ELFN2: variants seen among roughly 807,000 people sequenced by gnomAD.
ELFN2 encodes the protein extracellular leucine rich repeat and fibronectin type III domain containing 2, also known as protein phosphatase 1 regulatory subunit 29.
ELFN2 carries 17 observed loss-of-function variants against 45.5 expected under a neutral mutation model. The ratio of observed to expected loss-of-function variants is 0.37; its 90% CI spans 0.26 to 0.56. The LOEUF is 0.56. ELFN2 is among the 20% of genes least tolerant of loss of function. ELFN2 has a pLI of 0.77. For synonymous variants in ELFN2, 550 were observed against 551.5 expected (o/e 1.00, Z 0.04); for missense variants, 922 against 1,183.2 (o/e 0.78, Z 3.24).
chr22:37,344,847 G>A lies in ELFN2; in HGVS notation n.149-2144C>T, dbSNP rs143498654. On this transcript the variant is annotated intron_variant and non_coding_transcript_variant, in intron 1 of 2. Transcript: ENST00000452946. ...TGCTCTCACCCTGCTCCTCAGGTGCGCAGGGGGCGCTGAGGGGCGAGCTCC... is the reference window on the plus strand; with the variant it reads ...TGCTCTCACCCTGCTCCTCAGGTGCACAGGGGGCGCTGAGGGGCGAGCTCC... Among the ~76,000 whole-genome samples, 191 of 152,274 alleles carry A rather than the reference G, an allele frequency of 1.3e-3. 1 individual carries two copies. The East Asian group carries it at 0.013, about 10-fold the overall frequency.
At chr22:37,420,815 A>G (rs1259493301) in intron 1 of ELFN2, among the ~76,000 whole-genome samples, 1 of 152,160 alleles carries the variant, frequency 6.6e-6, no homozygotes, top group Admixed American at 6.6e-5. Context: ...TTGGCCCCTG[A>G]CTTGCTGCTG....
intron 2 of ELFN2, among the ~76,000 whole-genome samples, chr22:37,412,008 T>C (rs1932659985): frequency 6.6e-6 from 1 of 151,376 alleles, no homozygotes; most frequent in African/African-American, 2.4e-5. Flanking sequence ...TCTTGGAACC[T>C]CCGCTCAGAG....
At chr22:37,403,342 TC>T (rs1932412366) in intron 2 of ELFN2, among the ~76,000 whole-genome samples, 1 of 151,428 alleles carries the variant, frequency 6.6e-6, no homozygotes, top group Admixed American at 6.6e-5. Context: ...TTAGGAGGAG[TC>T]CCCGAGGGCA....
chr22:37,345,771 C>T (rs530509033), intron 1 of ELFN2, among the ~76,000 whole-genome samples: 1 of 152,294 alleles, frequency 6.6e-6, no homozygotes, highest in Non-Finnish European at 1.5e-5. Flanking sequence ...TGGTCTTGAT[C>T]TCCTGACCTC....
intron 2 of ELFN2, among the ~76,000 whole-genome samples, chr22:37,391,640 TGACCATCAAAGGGAC>T (rs1269467890): frequency 6.6e-6 from 1 of 152,172 alleles, no homozygotes; most frequent in Non-Finnish European, 1.5e-5. Flanking sequence ...TACAGCAGTC[TGACCATCAAAGGGAC>T]GGTGTCTGGG....
chr22:37,415,350 G>C (rs1932748171), intron 2 of ELFN2, among the ~76,000 whole-genome samples: 1 of 152,248 alleles, frequency 6.6e-6, no homozygotes, highest in African/African-American at 2.4e-5. Flanking sequence ...CCATGAAGGA[G>C]ACCAGTGGCC....
At chr22:37,387,046 G>A (rs1354517593) in intron 2 of ELFN2, among the ~76,000 whole-genome samples, 2 of 152,214 alleles carry the variant, frequency 1.3e-5, no homozygotes, top group South Asian at 2.1e-4. Flanking sequence ...TGAGGGTCTG[G>A]CGCGTGGCAC....
downstream of ELFN2, among the ~76,000 whole-genome samples, chr22:37,364,424 G>A (rs1931158211): frequency 6.6e-6 from 1 of 152,214 alleles, no homozygotes. Flanking sequence ...AGCCCCACTG[G>A]GACAGCTGCA....
In ELFN2 at chr22:37,356,242, CT is replaced by C. The variant is rs1295337232; in HGVS notation, n.149-13540del. Among the ~76,000 whole-genome samples the C allele has an allele frequency of 3.3e-5, 5 of 152,144 alleles. No homozygotes were observed. In the East Asian group the frequency reaches 5.8e-4, roughly 18 times the overall value. ...CTGCTGGGCGCTTACCCACCTGCCCCTGGGCTCTACCAGCTGAGGGTTACCC... is the reference window on the plus strand; with the variant it reads ...CTGCTGGGCGCTTACCCACCTGCCCCGGGCTCTACCAGCTGAGGGTTACCC... On this transcript the variant is annotated intron_variant and non_coding_transcript_variant, in intron 1 of 2. Transcript: ENST00000452946.
chr22:37,414,452 A>T (rs754647), intron 2 of ELFN2, among the ~76,000 whole-genome samples: 30,937 of 152,124 alleles, frequency 0.2, 4,590 homozygotes, highest in African/African-American at 0.42. Context: ...CTATGGGAAA[A>T]TGCCTGGCAC....
rs1931528339 is a variant in ELFN2 at position 37,374,910 on chromosome 22, T to A, written c.625A>T (p.Asn209Tyr). 1 of 1,612,384 alleles carries A rather than the reference T, an allele frequency of 6.2e-7. No individual in the cohort carries two copies. Among genetic ancestry groups the A allele is most frequent in the East Asian group, 2.2e-5 (1 of 44,878 alleles). Residue 209 changes from asparagine (N) to tyrosine (Y), a missense_variant, in exon 3 of 3, where the codon AAC becomes TAC. This residue lies in a region of ELFN2 where 358 missense variants were observed against 540.4 expected (regional missense o/e 0.66). Coordinates refer to ENST00000402918, the MANE Select transcript of ELFN2 (RefSeq NM_052906.5). ...WLVVFNNVTK[N>Y]YDRLQCESPR... ...GACTCACACTGCAGGCGGTCGTAGT[T>A]CTTGGTGACGTTGTTGAAGACCACC...
At chr22:37,385,753 G>A (rs1415454948) in intron 2 of ELFN2, among the ~76,000 whole-genome samples, 1 of 152,154 alleles carries the variant, frequency 6.6e-6, no homozygotes, top group Non-Finnish European at 1.5e-5. Context: ...CTTGACCCCT[G>A]CCTGACCTCG....
intron 2 of ELFN2, among the ~76,000 whole-genome samples, chr22:37,413,761 G>A (rs1932712409): frequency 6.6e-6 from 1 of 152,112 alleles, no homozygotes; most frequent in African/African-American, 2.4e-5. Context: ...CACAGCTAGC[G>A]AGCATCTGGA....
chr22:37,362,702 T>G (rs1931119233), intron 1 of ELFN2, among the ~76,000 whole-genome samples: 2 of 152,192 alleles, frequency 1.3e-5, no homozygotes, highest in Admixed American at 1.3e-4. Flanking sequence ...AATTACTGTC[T>G]CTGAGTCTTT....
At position 37,346,729 on chromosome 22, in the gene ELFN2, GAC is replaced by G. The variant is rs1930704737; in HGVS notation, n.149-4028_149-4027del. 9.2e-5 allele frequency among the ~76,000 whole-genome samples: 14 copies of G among 152,170 alleles called. No individual in the cohort carries two copies. The South Asian group carries it at 2.9e-3, about 32-fold the overall frequency. On this transcript the variant is annotated intron_variant and non_coding_transcript_variant, in intron 1 of 2. Transcript: ENST00000452946. The stretch of plus-strand genomic sequence containing the variant: ...ACACGGAGAGGCACGGCTCCTGTAT[GAC>G]ACACACATGTGCACACCACATGCAG...
At chr22:37,378,309 G>T (rs1431177047) in intron 2 of ELFN2, among the ~76,000 whole-genome samples, 1 of 152,224 alleles carries the variant, frequency 6.6e-6, no homozygotes, top group Non-Finnish European at 1.5e-5. Context: ...TGTTCTGTGT[G>T]TTCTACACGT....
chr22:37,405,161 C>T (rs893284535), intron 2 of ELFN2, among the ~76,000 whole-genome samples: 1 of 143,560 alleles, frequency 7.0e-6, no homozygotes, highest in African/African-American at 2.6e-5. Flanking sequence ...GGCGTGATCT[C>T]GGCTTACTGC....
chr22:37,426,071 C>T (rs914225792), intron 1 of ELFN2, among the ~76,000 whole-genome samples: 1 of 152,144 alleles, frequency 6.6e-6, no homozygotes, highest in Non-Finnish European at 1.5e-5. Flanking sequence ...AGCCGCAGCC[C>T]AGACACACAC....
Position 37,425,402 on chromosome 22 carries a change from G to A in ELFN2, c.-614+1896C>T, listed in dbSNP as rs191527139. Reference sequence around the variant, plus strand: ...GCCCACTCAGGATGCTGGGAAAGGCGGCCTCTTGGGAGGGACCACGCCACG... The same window carrying A: ...GCCCACTCAGGATGCTGGGAAAGGCAGCCTCTTGGGAGGGACCACGCCACG... On this transcript the variant is annotated intron_variant, in intron 1 of 2. Transcript: ENST00000402918. Among the ~76,000 whole-genome samples the A allele has an allele frequency of 2.1e-3, 327 of 152,274 alleles. 3 individuals carry two copies. The highest frequency in any genetic ancestry group is 7.2e-3 in the African/African-American group (298 of 41,542).
Sources: allele counts gnomAD v4.1 joint callset (sites outside exome capture counted in the v4.1 genomes callset), GRCh38; gene constraint gnomAD v4.1.1; regional missense constraint gnomAD v4.1.1; transcripts MANE v1.5; gene names NCBI Gene and HGNC (gene_info 2026-07-23, HGNC 2026-07-21).